PLEKHG1: variants seen among roughly 807,000 people sequenced by gnomAD.
The protein encoded by PLEKHG1 is pleckstrin homology domain-containing family G member 1.
A neutral mutation model predicts 100.8 loss-of-function variants in PLEKHG1; 44 were observed. The observed-to-expected ratio is 0.44, with a 90% CI of 0.34 to 0.56. The LOEUF (loss-of-function observed/expected upper bound fraction) is 0.56. Among genes scored for constraint, PLEKHG1 ranks in the 20% least tolerant of loss-of-function variants. PLEKHG1 has a pLI of 0.01. For missense variants in PLEKHG1, 1,545 were observed against 1,720.9 expected, an observed-to-expected ratio of 0.90 and a Z score of 1.81; for synonymous variants, 640 against 662.5, an observed-to-expected ratio of 0.97 and a Z score of 0.52.
At chr6:150,836,505 A>G (rs942004512) in intron 15 of PLEKHG1, among the ~76,000 whole-genome samples, 6 of 152,222 alleles carry the variant, frequency 3.9e-5, no homozygotes, top group African/African-American at 1.4e-4. Flanking sequence ...CAAAATGTAC[A>G]GCATTGTTCT....
At chr6:150,625,327 G>C (rs1777465603) in intron 1 of PLEKHG1, among the ~76,000 whole-genome samples, 1 of 152,092 alleles carries the variant, frequency 6.6e-6, no homozygotes, top group South Asian at 2.1e-4. Context: ...TCTTCGCAGG[G>C]TTGTTTCTTC....
rs189269454 is a variant in PLEKHG1 at position 150,735,306 on chromosome 6, T to G, written c.411+1214T>G. Among the ~76,000 whole-genome samples, 223 of 152,242 alleles carry G rather than the reference T, an allele frequency of 1.5e-3. 1 individual carries two copies. The highest frequency in any genetic ancestry group is 2.3e-3 in the Non-Finnish European group (159 of 68,018). ...TGGCCTCAAGGGCAGATTTATATAT[T>G]ATAAAGCTACACTTGCTTTGCTGCC... On this transcript the variant is annotated intron_variant, in intron 2 of 15. Coordinates refer to ENST00000358517, the Ensembl canonical transcript of PLEKHG1.
intron 2 of PLEKHG1, among the ~76,000 whole-genome samples, chr6:150,764,117 C>CTTTTTTTTTTTT (rs67507838): frequency 6.9e-6 from 1 of 145,718 alleles, no homozygotes; most frequent in Non-Finnish European, 1.5e-5. Flanking sequence ...TTTTCTTTTT[C>CTTTTTTTTTTTT]TTTTTCTTTT....
intron 3 of PLEKHG1, among the ~76,000 whole-genome samples, chr6:150,771,149 A>G (rs748012344): frequency 7.2e-5 from 11 of 152,182 alleles, no homozygotes; most frequent in Non-Finnish European, 1.3e-4. Context: ...ATGGTAGCTT[A>G]CACCTGTAAT....
intron 14 of PLEKHG1, chr6:150,828,506 T>G (rs1776739083): frequency 2.4e-6 from 2 of 837,274 alleles, no homozygotes; most frequent in Non-Finnish European, 3.5e-6. Flanking sequence ...GTTTCAAATC[T>G]TTACATTTTG....
chr6:150,777,243 C>T (rs1562509276), intron 3 of PLEKHG1, among the ~76,000 whole-genome samples: 2 of 149,716 alleles, frequency 1.3e-5, no homozygotes, highest in African/African-American at 4.9e-5. Flanking sequence ...GCACATTACT[C>T]AACACTAATG....
At chr6:150,819,589 T>A (rs1330883796) in intron 11 of PLEKHG1, 90 bp from the exon 13 acceptor site, 3 of 632,514 alleles carry the variant, frequency 4.7e-6, no homozygotes, top group African/African-American at 3.8e-5. Flanking sequence ...ATAATAATAA[T>A]AAATCCATAT....
Position 150,710,712 on chromosome 6 carries a change from G to A in PLEKHG1, c.-98-22872G>A, listed in dbSNP as rs180996586. Reference sequence around the variant, plus strand: ...CAGAAAAAAAAAATCTAGGTTGGGTGTTCTCTGCGGATATAATGCCAGGTA... The same window carrying A: ...CAGAAAAAAAAAATCTAGGTTGGGTATTCTCTGCGGATATAATGCCAGGTA... On this transcript the variant is annotated intron_variant, in intron 3 of 3. Coordinates refer to the PLEKHG1 transcript ENST00000367326. Among the ~76,000 whole-genome samples, 276 of 152,306 alleles carry A rather than the reference G, an allele frequency of 1.8e-3. 2 individuals carry two copies. Among genetic ancestry groups the A allele is most frequent in the Non-Finnish European group, 2.3e-3 (158 of 68,014 alleles).
chr6:150,721,798 C>T (rs1259266689), intron 1 of PLEKHG1, among the ~76,000 whole-genome samples: 1 of 151,982 alleles, frequency 6.6e-6, no homozygotes, highest in African/African-American at 2.4e-5. Flanking sequence ...GTATTCAATG[C>T]CGTTGTCCAT....
chr6:150,757,140 G>T (rs1259243522), intron 2 of PLEKHG1, among the ~76,000 whole-genome samples: 1 of 152,096 alleles, frequency 6.6e-6, no homozygotes, highest in African/African-American at 2.4e-5. Context: ...TGGGATTACA[G>T]GCGCCCACTA....
chr6:150,665,756 G>A (rs1380014618), intron 3 of PLEKHG1, among the ~76,000 whole-genome samples: 1 of 151,448 alleles, frequency 6.6e-6, no homozygotes, highest in East Asian at 1.9e-4. Context: ...TCTGGTTTCT[G>A]TCAACTATAG....
At chr6:150,622,229 C>A (rs1309005570) in intron 1 of PLEKHG1, among the ~76,000 whole-genome samples, 1 of 152,180 alleles carries the variant, frequency 6.6e-6, no homozygotes, top group East Asian at 1.9e-4. Context: ...TATATGGGCA[C>A]TCTTCTACAT....
At chr6:150,750,571 G>A (rs1783449055) in intron 2 of PLEKHG1, among the ~76,000 whole-genome samples, 2 of 151,816 alleles carry the variant, frequency 1.3e-5, no homozygotes, top group South Asian at 4.2e-4. Context: ...ACGAGGTCAG[G>A]AGATCGAGAC....
rs1365086505 is a variant in PLEKHG1 at position 150,762,521 on chromosome 6, C to T, written c.412-6117C>T. Among the ~76,000 whole-genome samples, 3 of 151,988 alleles carry T rather than the reference C, an allele frequency of 2.0e-5. No individual in the cohort carries two copies. In the East Asian group the frequency reaches 5.8e-4, roughly 29 times the overall value. The stretch of plus-strand genomic sequence containing the variant: ...GCCCAACCCTCTCTTTTTCTTTCTT[C>T]CCTTTCTTCTCCTTCCTTCCCCCTG... On this transcript the variant is annotated intron_variant, in intron 2 of 15. Transcript: ENST00000358517.
chr6:150,610,394 A>T (rs371599411), intron 1 of PLEKHG1, among the ~76,000 whole-genome samples: 1 of 152,306 alleles, frequency 6.6e-6, no homozygotes, highest in African/African-American at 2.4e-5. Flanking sequence ...GAGCCACTGC[A>T]TCTGACCTAT....
At chr6:150,791,926 A>G (rs192579578) in intron 4 of PLEKHG1, among the ~76,000 whole-genome samples, 3 of 152,272 alleles carry the variant, frequency 2.0e-5, no homozygotes, top group Non-Finnish European at 4.4e-5. Context: ...TAATGATACT[A>G]TTTATGGTGG....
intron 3 of PLEKHG1, among the ~76,000 whole-genome samples, chr6:150,686,035 C>T (rs1780118092): frequency 6.6e-6 from 1 of 152,240 alleles, no homozygotes; most frequent in African/African-American, 2.4e-5. Context: ...TCTAGAGCTA[C>T]TTGCTCCTCC....
At position 150,745,493 on chromosome 6, in the gene PLEKHG1, G is replaced by A. The variant is rs9371468; in HGVS notation, c.411+11401G>A. 6.8e-3 allele frequency among the ~76,000 whole-genome samples: 1,030 copies of A among 152,244 alleles called. 14 individuals carry two copies. Among genetic ancestry groups the A allele is most frequent in the South Asian group, 0.048 (230 of 4,814 alleles). On this transcript the variant is annotated intron_variant, in intron 2 of 15. Transcript: ENST00000358517. ...AGGTCAGGAGTTCAAGACCAGCCTGGCCACCATGGTGAAACCCCGGCTCTA... is the reference window on the plus strand; with the variant it reads ...AGGTCAGGAGTTCAAGACCAGCCTGACCACCATGGTGAAACCCCGGCTCTA...
exon 2 of PLEKHG1, chr6:150,733,909 A>G: frequency 1.2e-6 from 2 of 1,614,200 alleles, no homozygotes; most frequent in East Asian, 2.2e-5. Flanking sequence ...CCACGGGGCA[A>G]CAGAACGCGG....
Sources: allele counts gnomAD v4.1 joint callset (sites outside exome capture counted in the v4.1 genomes callset), GRCh38; gene constraint gnomAD v4.1.1; transcripts MANE v1.5; gene names NCBI Gene and HGNC (gene_info 2026-07-23, HGNC 2026-07-21).